SGCD: variants seen among roughly 807,000 people sequenced by gnomAD.
The protein encoded by SGCD is delta-sarcoglycan.
SGCD carries 18 observed loss-of-function variants against 36.6 expected under a neutral mutation model. That is an observed-to-expected ratio of 0.49 (90% CI 0.34 to 0.73). SGCD has a LOEUF of 0.73. SGCD is among the 30% of genes least tolerant of loss of function. The pLI, the probability that SGCD is intolerant of heterozygous loss-of-function variation, is 0.01. For synonymous variants in SGCD, 133 were observed against 130.6 expected, an observed-to-expected ratio of 1.02 and a Z score of -0.12; for missense variants, 387 against 346.7, an observed-to-expected ratio of 1.12 and a Z score of -0.92.
intron 1 of SGCD, among the ~76,000 whole-genome samples, chr5:156,111,839 C>T (rs922434466): frequency 2.0e-5 from 3 of 151,060 alleles, no homozygotes; most frequent in Non-Finnish European, 4.4e-5. Flanking sequence ...AGTGCAGTGG[C>T]GTGATCTCGG....
At chr5:156,016,582 T>C (rs1221549198) in intron 1 of SGCD, among the ~76,000 whole-genome samples, 1 of 152,164 alleles carries the variant, frequency 6.6e-6, no homozygotes, top group East Asian at 1.9e-4. Context: ...TTTCTTTTTT[T>C]ACAAAAACTA....
At chr5:156,108,741 G>T (rs1761711333) in intron 1 of SGCD, among the ~76,000 whole-genome samples, 1 of 152,060 alleles carries the variant, frequency 6.6e-6, no homozygotes, top group Non-Finnish European at 1.5e-5. Flanking sequence ...GGTCTACAAT[G>T]ATCAGTAGAA....
chr5:156,588,988 TTGTGTGTGTGTGTGTG>T (rs113243314), intron 4 of SGCD, among the ~76,000 whole-genome samples: 1 of 143,060 alleles, frequency 7.0e-6, no homozygotes, highest in East Asian at 2.0e-4. Context: ...GGAATCTATA[TTGTGTGTGTGTGTGTG>T]TGTGTGTGTG....
chr5:156,696,812 A>C (rs1754334224), intron 7 of SGCD, among the ~76,000 whole-genome samples: 2 of 151,944 alleles, frequency 1.3e-5, no homozygotes, highest in African/African-American at 4.8e-5. Flanking sequence ...AACCAGCCCA[A>C]CTTCTGCTTT....
intron 1 of SGCD, among the ~76,000 whole-genome samples, chr5:156,012,652 G>A (rs1758884562): frequency 6.7e-6 from 1 of 150,070 alleles, no homozygotes; most frequent in African/African-American, 2.5e-5. Context: ...TCGCTCTGTG[G>A]CCCAAGCTGG....
At chr5:156,727,350 T>C (rs1399097395) in intron 7 of SGCD, among the ~76,000 whole-genome samples, 1 of 152,102 alleles carries the variant, frequency 6.6e-6, no homozygotes, top group Admixed American at 6.5e-5. Flanking sequence ...AAGCTGGATT[T>C]TACAAGGAGT....
At chr5:155,949,474 G>A (rs1350300241) in intron 1 of SGCD, among the ~76,000 whole-genome samples, 2 of 152,146 alleles carry the variant, frequency 1.3e-5, no homozygotes, top group Admixed American at 6.6e-5. Flanking sequence ...ATGAGACAAC[G>A]AGGTTTCGTG....
intron 6 of SGCD, among the ~76,000 whole-genome samples, chr5:156,629,763 A>G (rs1762559599): frequency 6.6e-6 from 1 of 152,040 alleles, no homozygotes; most frequent in African/African-American, 2.4e-5. Context: ...TTCTAATAAA[A>G]CTTTACTTAC....
At chr5:156,537,886 C>T (rs986376449) in intron 4 of SGCD, among the ~76,000 whole-genome samples, 7 of 151,940 alleles carry the variant, frequency 4.6e-5, no homozygotes, top group South Asian at 2.1e-4. Flanking sequence ...TTCTGCTTTC[C>T]CTTCTTCTGC....
intron 3 of SGCD, among the ~76,000 whole-genome samples, chr5:156,262,522 T>C (rs1459206027): frequency 6.6e-6 from 1 of 152,114 alleles, no homozygotes; most frequent in Non-Finnish European, 1.5e-5. Flanking sequence ...AACTGTGAAT[T>C]ATTAGGTAAA....
chr5:156,570,738 C>A (rs1759684826), intron 4 of SGCD, among the ~76,000 whole-genome samples: 1 of 152,058 alleles, frequency 6.6e-6, no homozygotes, highest in South Asian at 2.1e-4. Flanking sequence ...ATTTCATCAC[C>A]CAGGTATTAA....
At chr5:156,392,341 T>C (rs570814595) in intron 3 of SGCD, among the ~76,000 whole-genome samples, 2 of 152,238 alleles carry the variant, frequency 1.3e-5, no homozygotes, top group South Asian at 2.1e-4. Flanking sequence ...AAAAGGAAAC[T>C]GTGTAGTAGT....
At chr5:156,567,377 A>AATAGATAGATAGATAG (rs35083006) in intron 4 of SGCD, among the ~76,000 whole-genome samples, 6 of 131,858 alleles carry the variant, frequency 4.6e-5, no homozygotes, top group South Asian at 2.6e-4. Flanking sequence ...TGGATAGATA[A>AATAGATAGATAGATAG]ATAGATAGAT....
intron 3 of SGCD, among the ~76,000 whole-genome samples, chr5:156,390,420 T>G (rs1226829550): frequency 6.6e-6 from 1 of 152,200 alleles, no homozygotes; most frequent in African/African-American, 2.4e-5. Context: ...GTCTGTATCT[T>G]TGTTTTTATC....
At chr5:155,850,583 G>A in the SGCD span, among the ~76,000 whole-genome samples, 7 of 152,112 alleles carry the variant, frequency 4.6e-5, no homozygotes, top group Admixed American at 1.3e-4. Context: ...CCGTACTGCC[G>A]ATCAGTCATG....
At chr5:155,940,107 G>C (rs1343669773) in intron 1 of SGCD, among the ~76,000 whole-genome samples, 1 of 152,082 alleles carries the variant, frequency 6.6e-6, no homozygotes, top group African/African-American at 2.4e-5. Flanking sequence ...CATGTGTTGG[G>C]ATTATAGGCG....
chr5:156,132,433 C>T (rs1339142259), intron 3 of SGCD, among the ~76,000 whole-genome samples: 7 of 136,982 alleles, frequency 5.1e-5, no homozygotes, highest in South Asian at 2.4e-4. Flanking sequence ...AGCACAGCAG[C>T]GGAACTGTGG....
intron 3 of SGCD, among the ~76,000 whole-genome samples, chr5:156,145,776 A>G (rs1205327171): frequency 6.6e-6 from 1 of 152,230 alleles, no homozygotes. Context: ...AAAAGCATGC[A>G]TGTGTTCTCT....
chr5:156,212,163 C>G (rs182616793), intron 3 of SGCD, among the ~76,000 whole-genome samples: 3 of 152,094 alleles, frequency 2.0e-5, no homozygotes, highest in African/African-American at 4.8e-5. Flanking sequence ...CCTTACCTAT[C>G]GATGACTACC....
Sources: gnomAD v4.1 joint callset for allele counts (sites outside exome capture counted in the v4.1 genomes callset) on GRCh38, gnomAD v4.1.1 for gene constraint, MANE v1.5 for transcripts, NCBI Gene and HGNC (gene_info 2026-07-23, HGNC 2026-07-21) for gene names.